MAF: variants seen among roughly 807,000 people sequenced by gnomAD.
The protein encoded by MAF is transcription factor Maf.
MAF carries 10 observed loss-of-function variants against 22.0 expected under a neutral mutation model. The observed-to-expected ratio is 0.45, with a 90% confidence interval of 0.28 to 0.77. The LOEUF is 0.77. Among genes scored for constraint, MAF ranks in the 30% least tolerant of loss-of-function variants. The pLI is 0.12. For missense variants in MAF, 544 were observed against 548.4 expected (o/e 0.99, Z 0.08); for synonymous variants, 337 against 255.8 (o/e 1.32, Z -3.03).
the MAF span, among the ~76,000 whole-genome samples, chr16:79,491,110 C>G: frequency 1.3e-5 from 2 of 152,108 alleles, no homozygotes; most frequent in African/African-American, 4.8e-5. Flanking sequence ...GGAGGGTAAG[C>G]AGTTCGAGAT....
the MAF span, chr16:79,205,536 T>G: frequency 6.6e-6 from 1 of 152,224 alleles, no homozygotes; most frequent in Non-Finnish European, 1.5e-5. Context: ...CAGAACACTT[T>G]CTCACACTTC....
chr16:79,519,039 CAT>C, the MAF span, among the ~76,000 whole-genome samples: 1 of 152,224 alleles, frequency 6.6e-6, no homozygotes, highest in Non-Finnish European at 1.5e-5. Flanking sequence ...GCATCTATCA[CAT>C]GTCTTAGTGT....
At chr16:79,399,577 A>C in the MAF span, among the ~76,000 whole-genome samples, 5,090 of 152,310 alleles carry the variant, frequency 0.033, 186 homozygotes, top group African/African-American at 0.088. Flanking sequence ...CTAATTTTAA[A>C]AAATCAGGGG....
chr16:79,348,432 G>A, the MAF span, among the ~76,000 whole-genome samples: 6 of 152,312 alleles, frequency 3.9e-5, no homozygotes, highest in African/African-American at 7.2e-5. Flanking sequence ...AACAGGATAC[G>A]GGGTCCATTT....
chr16:79,478,964 G>T, the MAF span, among the ~76,000 whole-genome samples: 5 of 151,728 alleles, frequency 3.3e-5, no homozygotes, highest in African/African-American at 1.2e-4. Context: ...CCATCTTAAT[G>T]CACCCGTGCA....
chr16:79,555,490 C>T, the MAF span, among the ~76,000 whole-genome samples: 2 of 152,184 alleles, frequency 1.3e-5, no homozygotes, highest in African/African-American at 2.4e-5. Context: ...GCGTAAATGC[C>T]TTCACCACAG....
chr16:79,363,240 C>T, the MAF span, among the ~76,000 whole-genome samples: 1 of 152,152 alleles, frequency 6.6e-6, no homozygotes. Flanking sequence ...TCGCTCAGCT[C>T]TTGTGGAGGA....
At chr16:79,246,698 A>G in the MAF span, among the ~76,000 whole-genome samples, 2 of 152,214 alleles carry the variant, frequency 1.3e-5, no homozygotes, top group South Asian at 4.1e-4. Flanking sequence ...GTCTTGGAAC[A>G]TCAGTCAATA....
the MAF span, among the ~76,000 whole-genome samples, chr16:79,574,520 G>C: frequency 6.6e-6 from 1 of 152,158 alleles, no homozygotes; most frequent in African/African-American, 2.4e-5. Context: ...ATCTCTCTTA[G>C]TTCAAGTGCT....
At chr16:79,531,394 G>T in the MAF span, among the ~76,000 whole-genome samples, 7 of 152,144 alleles carry the variant, frequency 4.6e-5, no homozygotes, top group African/African-American at 1.7e-4. Context: ...TGGACTGGGA[G>T]TGGGGTGGGG....
the MAF span, chr16:79,212,708 GTTTGTTTTTGT>G: frequency 6.7e-6 from 1 of 148,560 alleles, no homozygotes; most frequent in East Asian, 1.9e-4. Flanking sequence ...GTTTGTTTCA[GTTTGTTTTTGT>G]TTTTCATTTT....
chr16:79,236,024 C>T, the MAF span, among the ~76,000 whole-genome samples: 7 of 152,018 alleles, frequency 4.6e-5, no homozygotes, highest in African/African-American at 1.4e-4. Flanking sequence ...GTGGAGCCCA[C>T]GGGAATCTCA....
At chr16:79,325,300 C>G in the MAF span, among the ~76,000 whole-genome samples, 2 of 152,178 alleles carry the variant, frequency 1.3e-5, no homozygotes, top group Non-Finnish European at 2.9e-5. Flanking sequence ...GAGCGACAAC[C>G]GTGCATGCAA....
the MAF span, among the ~76,000 whole-genome samples, chr16:79,218,972 GA>G: frequency 6.6e-6 from 1 of 152,132 alleles, no homozygotes; most frequent in South Asian, 2.1e-4. Context: ...CACTAGCCAG[GA>G]TTCCTTAGCT....
At chr16:79,269,134 T>C in the MAF span, among the ~76,000 whole-genome samples, 3 of 152,334 alleles carry the variant, frequency 2.0e-5, no homozygotes, top group Non-Finnish European at 2.9e-5. Context: ...TCAATGCTTA[T>C]TGAACTGTTT....
At chr16:79,378,833 A>C in the MAF span, among the ~76,000 whole-genome samples, 1 of 152,216 alleles carries the variant, frequency 6.6e-6, no homozygotes, top group Non-Finnish European at 1.5e-5. Flanking sequence ...TGACAAAATG[A>C]ACAGCTTTTT....
chr16:79,214,801 C>T, the MAF span, among the ~76,000 whole-genome samples: 2 of 148,028 alleles, frequency 1.4e-5, no homozygotes, highest in Admixed American at 6.8e-5. Flanking sequence ...CAACCTCCCT[C>T]CCCGGTTCAA....
At chr16:79,272,462 T>C in the MAF span, among the ~76,000 whole-genome samples, 21,979 of 152,124 alleles carry the variant, frequency 0.14, 2,017 homozygotes, top group African/African-American at 0.27. Flanking sequence ...AAGACATCAG[T>C]GGAGGGGGAG....
At chr16:79,425,610 C>T in the MAF span, among the ~76,000 whole-genome samples, 1 of 151,762 alleles carries the variant, frequency 6.6e-6, no homozygotes, top group Admixed American at 6.6e-5. Context: ...TCATTAAAAC[C>T]AAACCAAACC....
Sources: gnomAD v4.1 joint callset for allele counts (sites outside exome capture counted in the v4.1 genomes callset) on GRCh38, gnomAD v4.1.1 for gene constraint, MANE v1.5 for transcripts, NCBI Gene and HGNC (gene_info 2026-07-23, HGNC 2026-07-21) for gene names.